The following PTPN4 variants were observed in gnomAD, a reference collection of about 807,000 sequenced individuals.
The protein encoded by PTPN4 is protein tyrosine phosphatase non-receptor type 4.
A neutral mutation model predicts 135.5 loss-of-function variants in PTPN4; 49 were observed. That is an observed-to-expected ratio of 0.36 (90% CI 0.29 to 0.46). The LOEUF (loss-of-function observed/expected upper bound fraction) is 0.46, where lower values mean the gene tolerates loss of function less well. Among genes scored for constraint, PTPN4 ranks in the 20% least tolerant of loss-of-function variants. The pLI is 1.00. For missense variants in PTPN4, 860 were observed against 1,101.0 expected, an observed-to-expected ratio of 0.78 and a Z score of 3.10; for synonymous variants, 333 against 369.9, an observed-to-expected ratio of 0.90 and a Z score of 1.14.
At chr2:119,932,659 T>C in intron 14 of PTPN4, 110 bp downstream of exon 14, 2 of 1,271,724 alleles carry the variant, frequency 1.6e-6, no homozygotes, top group Non-Finnish European at 2.2e-6. Context: ...TGAATTCTTT[T>C]GGTGAAACAT....
At chr2:119,763,982 C>T (rs995797153) in intron 1 of PTPN4, among the ~76,000 whole-genome samples, 2 of 152,042 alleles carry the variant, frequency 1.3e-5, no homozygotes, top group East Asian at 1.9e-4. Flanking sequence ...ATGAAGGGGT[C>T]GCCACTAAGA....
intron 1 of PTPN4, among the ~76,000 whole-genome samples, chr2:119,760,908 A>T (rs1255633142): frequency 1.3e-5 from 2 of 151,714 alleles, no homozygotes; most frequent in African/African-American, 4.8e-5. Flanking sequence ...GATGTGGGTA[A>T]ACAGTGATGC....
chr2:119,817,318 C>T (rs994364741), intron 2 of PTPN4, among the ~76,000 whole-genome samples: 2 of 151,344 alleles, frequency 1.3e-5, no homozygotes, highest in African/African-American at 4.9e-5. Context: ...AATACAGAAT[C>T]CTTTCCCCAT....
intron 1 of PTPN4, among the ~76,000 whole-genome samples, chr2:119,766,468 GTGTGTGTGTGTGTGT>G (rs1558718955): frequency 1.2e-3 from 178 of 142,778 alleles, no homozygotes; most frequent in African/African-American, 4.8e-3. Context: ...GTGTGTGTGT[GTGTGTGTGTGTGTGT>G]CTGTGTGTGT....
intron 8 of PTPN4, 50 bp downstream of exon 8, chr2:119,882,673 T>A (rs1678097956): frequency 7.2e-7 from 1 of 1,379,544 alleles, no homozygotes; most frequent in Admixed American, 2.7e-5. Flanking sequence ...TGGCATTCTT[T>A]CTAGAGAAAT....
chr2:119,785,863 A>G (rs941775018), intron 1 of PTPN4, among the ~76,000 whole-genome samples: 6 of 152,154 alleles, frequency 3.9e-5, no homozygotes. Flanking sequence ...ATGAAATCCA[A>G]GTAAAGGAGA....
intron 1 of PTPN4, among the ~76,000 whole-genome samples, chr2:119,806,247 A>G (rs1267882131): frequency 6.6e-6 from 1 of 152,248 alleles, no homozygotes; most frequent in Non-Finnish European, 1.5e-5. Flanking sequence ...TTAAATGTAA[A>G]TTGGCTAAAT....
chr2:119,899,108 A>G (rs928542565), intron 9 of PTPN4, among the ~76,000 whole-genome samples: 1 of 152,212 alleles, frequency 6.6e-6, no homozygotes, highest in Non-Finnish European at 1.5e-5. Flanking sequence ...CAATGTGCCT[A>G]TAGTTTGCCT....
chr2:119,810,036 C>T (rs1448846485), intron 2 of PTPN4, 45 bp downstream of exon 2: 2 of 1,553,938 alleles, frequency 1.3e-6, no homozygotes, highest in Non-Finnish European at 1.8e-6. Context: ...GGCTATAAGT[C>T]TGAATTTAGA....
intron 2 of PTPN4, among the ~76,000 whole-genome samples, chr2:119,833,189 T>C (rs571172275): frequency 5.9e-4 from 90 of 152,124 alleles, no homozygotes; most frequent in Non-Finnish European, 1.1e-3. Flanking sequence ...AATTTTGTGG[T>C]ATGGTGCAGT....
intron 9 of PTPN4, among the ~76,000 whole-genome samples, chr2:119,896,249 TAGAAA>T (rs1302206238): frequency 2.0e-5 from 3 of 152,152 alleles, no homozygotes; most frequent in Non-Finnish European, 2.9e-5. Context: ...TGTGCCTTGG[TAGAAA>T]CTGTAGCTTG....
At position 119,760,163 on chromosome 2, in the gene PTPN4, C is replaced by T. The variant is rs1003945587; in HGVS notation, c.-239C>T. 2 of 393,430 alleles carry T rather than the reference C, an allele frequency of 5.1e-6. No individual in the cohort carries two copies. Among genetic ancestry groups the T allele is most frequent in the African/African-American group, 4.1e-5 (2 of 48,374 alleles). 24.4% of individuals were successfully genotyped at this position (393,430 alleles called of 1,614,324 possible). A position where few individuals can be genotyped will look rare whatever the true frequency, so the allele number is the denominator to read the frequency against. ...GAGGTAGGAGAGGTCGCCGGCTGCCCGCCTCCCTGCCACCTCCCCAGCGGC... is the reference window on the plus strand; with the variant it reads ...GAGGTAGGAGAGGTCGCCGGCTGCCTGCCTCCCTGCCACCTCCCCAGCGGC... On this transcript the variant is annotated 5_prime_UTR_variant, in exon 1 of 27. Coordinates refer to ENST00000263708, the MANE Select transcript of PTPN4 (RefSeq NM_002830.4).
intron 12 of PTPN4, among the ~76,000 whole-genome samples, chr2:119,923,207 T>C (rs1419887691): frequency 6.6e-6 from 1 of 152,074 alleles, no homozygotes; most frequent in Admixed American, 6.6e-5. Context: ...GACCCCTGTC[T>C]CTACCAAAAG....
At chr2:119,772,480 C>G (rs1337385059) in intron 1 of PTPN4, among the ~76,000 whole-genome samples, 1 of 152,208 alleles carries the variant, frequency 6.6e-6, no homozygotes, top group Non-Finnish European at 1.5e-5. Context: ...GGTGAGACTA[C>G]TTAGTCTCAT....
chr2:119,850,154 G>T (rs1304566110), intron 2 of PTPN4, among the ~76,000 whole-genome samples: 1 of 152,210 alleles, frequency 6.6e-6, no homozygotes, highest in Non-Finnish European at 1.5e-5. Context: ...GTTTCTTTGG[G>T]TAGAGTTTTA....
intron 9 of PTPN4, among the ~76,000 whole-genome samples, chr2:119,897,150 C>CTCAA (rs1448088477): frequency 6.6e-6 from 1 of 152,156 alleles, no homozygotes; most frequent in Non-Finnish European, 1.5e-5. Context: ...CCAGGCTGAT[C>CTCAA]TCAACCTCCT....
At chr2:119,846,336 A>G (rs1392925982) in intron 2 of PTPN4, among the ~76,000 whole-genome samples, 1 of 152,166 alleles carries the variant, frequency 6.6e-6, no homozygotes, top group African/African-American at 2.4e-5. Flanking sequence ...ATAGGTACAT[A>G]TATTTTTATG....
intron 10 of PTPN4, among the ~76,000 whole-genome samples, chr2:119,913,331 C>A (rs1289772089): frequency 6.6e-6 from 1 of 152,142 alleles, no homozygotes; most frequent in Admixed American, 6.5e-5. Context: ...CAGATTCTCA[C>A]CAGCACTTGT....
chr2:119,777,921 G>C (rs1369316070), intron 1 of PTPN4, among the ~76,000 whole-genome samples: 1 of 151,964 alleles, frequency 6.6e-6, no homozygotes, highest in Non-Finnish European at 1.5e-5. Flanking sequence ...CTCTCAAAGT[G>C]CTGGGATTAT....
Sources: allele counts gnomAD v4.1 joint callset (sites outside exome capture counted in the v4.1 genomes callset), GRCh38; gene constraint gnomAD v4.1.1; transcripts MANE v1.5; gene names NCBI Gene and HGNC (gene_info 2026-07-23, HGNC 2026-07-21).